LINGO2: variants seen among roughly 807,000 people sequenced by gnomAD.
LINGO2 encodes the protein leucine rich repeat and Ig domain containing 2.
Under a neutral mutation model 30.6 loss-of-function variants are expected in LINGO2, and 14 were observed. That is an observed-to-expected ratio of 0.46 (90% CI 0.30 to 0.72). The LOEUF (loss-of-function observed/expected upper bound fraction) is 0.72, where lower values mean the gene tolerates loss of function less well. LINGO2 is among the 30% of genes least tolerant of loss of function. The probability of loss-of-function intolerance (pLI) is 0.07; values close to 1 mark genes in which losing one functional copy is unlikely to be tolerated. For missense variants in LINGO2, 729 were observed against 751.7 expected (o/e 0.97, Z 0.35); for synonymous variants, 317 against 288.5 (o/e 1.10, Z -1.00).
At chr9:28,764,907 T>C in the LINGO2 span, among the ~76,000 whole-genome samples, 16 of 151,678 alleles carry the variant, frequency 1.1e-4, no homozygotes, top group Non-Finnish European at 2.1e-4. Flanking sequence ...TATGATAGCA[T>C]CAAAAATTAA....
chr9:28,157,866 A>T (rs1317327616), intron 4 of LINGO2, among the ~76,000 whole-genome samples: 4 of 152,098 alleles, frequency 2.6e-5, no homozygotes, highest in African/African-American at 9.7e-5. Context: ...ATCTGAGACT[A>T]CCTCAGCCTG....
intron 4 of LINGO2, among the ~76,000 whole-genome samples, chr9:28,072,553 A>G (rs1483187411): frequency 6.6e-6 from 1 of 152,204 alleles, no homozygotes; most frequent in Non-Finnish European, 1.5e-5. Context: ...TGGAGTGAAG[A>G]ATCATATATC....
the LINGO2 span, among the ~76,000 whole-genome samples, chr9:28,778,124 C>T: frequency 6.6e-6 from 1 of 152,178 alleles, no homozygotes; most frequent in Admixed American, 6.5e-5. Context: ...TATAACTCCA[C>T]ACTTTTGACT....
intron 5 of LINGO2, among the ~76,000 whole-genome samples, chr9:27,992,781 G>A (rs1042278953): frequency 6.2e-5 from 9 of 145,126 alleles, no homozygotes; most frequent in Non-Finnish European, 1.2e-4. Context: ...TGAAAGTTTG[G>A]TGAGGGAACA....
At chr9:28,515,650 G>A (rs1408012334) in intron 1 of LINGO2, among the ~76,000 whole-genome samples, 1 of 152,206 alleles carries the variant, frequency 6.6e-6, no homozygotes, top group Non-Finnish European at 1.5e-5. Flanking sequence ...GATAAAATGT[G>A]AATAGATGAG....
At chr9:28,038,512 T>C (rs1484487754) in intron 4 of LINGO2, among the ~76,000 whole-genome samples, 4 of 151,752 alleles carry the variant, frequency 2.6e-5, no homozygotes, top group Non-Finnish European at 5.9e-5. Context: ...GCTAAAACGG[T>C]GAAACCCAGT....
the LINGO2 span, among the ~76,000 whole-genome samples, chr9:28,885,390 T>TACATACATATATACATATATATATACAC: frequency 1.5e-5 from 2 of 136,760 alleles, no homozygotes; most frequent in Non-Finnish European, 3.2e-5. Flanking sequence ...TATATACACA[T>TACATACATATATACATATATATATACAC]ACATACATAC....
intron 1 of LINGO2, among the ~76,000 whole-genome samples, chr9:28,616,490 A>G (rs1327943263): frequency 6.6e-6 from 1 of 152,220 alleles, no homozygotes; most frequent in East Asian, 1.9e-4. Context: ...GCCCTTAAGT[A>G]ATCAGCCACC....
At position 28,493,435 on chromosome 9, in the gene LINGO2, T is replaced by A. The variant is rs556105358; in HGVS notation, c.-364-17410A>T. 7.4e-4 allele frequency among the ~76,000 whole-genome samples: 112 copies of A among 152,214 alleles called. 1 individual carries two copies. The highest frequency in any genetic ancestry group is 2.4e-3 in the African/African-American group (101 of 41,552). On this transcript the variant is annotated intron_variant, in intron 1 of 5. Transcript: ENST00000379992. ...CATTCAGCTAAGGATACCACAGACA[T>A]CAAAAGAAGACATGATAATAAATCA...
At chr9:29,021,135 T>A in the LINGO2 span, among the ~76,000 whole-genome samples, 3 of 152,154 alleles carry the variant, frequency 2.0e-5, no homozygotes, top group South Asian at 6.2e-4. Flanking sequence ...TGTTATGGCT[T>A]GTACTATACT....
chr9:28,459,482 G>A (rs1824987908), intron 2 of LINGO2, among the ~76,000 whole-genome samples: 2 of 145,646 alleles, frequency 1.4e-5, no homozygotes, highest in Admixed American at 1.4e-4. Context: ...AACAAACACT[G>A]AACATTTTCT....
At chr9:28,498,095 C>T (rs933117342) in intron 1 of LINGO2, among the ~76,000 whole-genome samples, 13 of 152,146 alleles carry the variant, frequency 8.5e-5, no homozygotes, top group African/African-American at 1.4e-4. Context: ...AGTTAGGTTA[C>T]TTGGGGGTCA....
At chr9:28,446,610 CT>C (rs1824434309) in intron 2 of LINGO2, among the ~76,000 whole-genome samples, 1 of 152,134 alleles carries the variant, frequency 6.6e-6, no homozygotes, top group East Asian at 1.9e-4. Context: ...ATCTTGATCC[CT>C]TTTGTTATTA....
intron 4 of LINGO2, among the ~76,000 whole-genome samples, chr9:28,284,027 C>G (rs564461507): frequency 6.6e-6 from 1 of 152,198 alleles, no homozygotes; most frequent in East Asian, 1.9e-4. Flanking sequence ...CAGTTCAAAC[C>G]TCTTGCAAAT....
At chr9:29,102,683 T>A in the LINGO2 span, among the ~76,000 whole-genome samples, 1 of 152,178 alleles carries the variant, frequency 6.6e-6, no homozygotes, top group Admixed American at 6.5e-5. Flanking sequence ...AAGAGAATAG[T>A]GACTGCAACA....
Position 28,637,321 on chromosome 9 carries a change from A to G in LINGO2, c.-365+32879T>C, listed in dbSNP as rs959053233. On this transcript the variant is annotated intron_variant, in intron 1 of 5. Coordinates refer to ENST00000379992, the Ensembl canonical transcript of LINGO2. The stretch of plus-strand genomic sequence containing the variant: ...GCGATGCGGGCTCTTTTTTGGTTGC[A>G]TATGAACTTTAAAGTAGTTTTGCCA... Among the ~76,000 whole-genome samples the G allele has an allele frequency of 2.6e-5, 4 of 152,146 alleles. No individual in the cohort carries two copies. The South Asian group carries it at 8.3e-4, about 31-fold the overall frequency.
chr9:28,535,770 T>G (rs764162956), intron 1 of LINGO2, among the ~76,000 whole-genome samples: 28 of 151,946 alleles, frequency 1.8e-4, no homozygotes, highest in Non-Finnish European at 2.1e-4. Context: ...CAGCTACACT[T>G]AACAGAAGAA....
At chr9:28,590,586 T>C (rs1263709457) in intron 1 of LINGO2, among the ~76,000 whole-genome samples, 1 of 151,900 alleles carries the variant, frequency 6.6e-6, no homozygotes, top group African/African-American at 2.4e-5. Flanking sequence ...ATCAGAGAAA[T>C]GCAAATCAAA....
chr9:28,404,299 A>G (rs1327601596), intron 2 of LINGO2, among the ~76,000 whole-genome samples: 2 of 152,142 alleles, frequency 1.3e-5, no homozygotes, highest in Non-Finnish European at 2.9e-5. Flanking sequence ...TTTCTATAAA[A>G]GATGAATAAA....
Sources: gnomAD v4.1 joint callset for allele counts (sites outside exome capture counted in the v4.1 genomes callset) on GRCh38, gnomAD v4.1.1 for gene constraint, MANE v1.5 for transcripts, NCBI Gene and HGNC (gene_info 2026-07-23, HGNC 2026-07-21) for gene names.